TXNIP: variants seen among roughly 807,000 people sequenced by gnomAD.
The protein encoded by TXNIP is thioredoxin interacting protein, also known as thioredoxin-interacting protein.
In TXNIP, 23 loss-of-function variants were observed where a neutral mutation model predicts 43.9. The ratio of observed to expected loss-of-function variants is 0.52; its 90% CI spans 0.38 to 0.74. The LOEUF is 0.74. TXNIP is among the 30% of genes least tolerant of loss of function. TXNIP has a pLI of 0.00. For synonymous variants in TXNIP, 234 were observed against 172.2 expected (o/e 1.36, Z -2.81); for missense variants, 555 against 485.4 (o/e 1.14, Z -1.35).
In TXNIP at chr1:145,995,025, C is replaced by T; in HGVS notation, c.478G>A (p.Val160Met). 6.2e-7 allele frequency: 1 copy of T among 1,614,070 alleles called. No individual in the cohort carries two copies. The highest frequency in any genetic ancestry group is 8.5e-7 in the Non-Finnish European group (1 of 1,180,022). The change falls in exon 4 of 8, where the codon GTG becomes ATG. Residue 160 changes from valine to methionine, a missense_variant. Coordinates refer to ENST00000582401, the MANE Select transcript of TXNIP (RefSeq NM_006472.6). ...DVNTPDLMAP[V>M]SAKKEKKVSC... ...ACTTTCTTTTCTTTTTTAGCAGACA[C>T]AGGTGCCTATATAGAAGGGGATAAA...
rs143528198 is a variant in TXNIP, at chr1:145,995,057, T to C, written c.472-26A>G. 39 of 1,613,624 alleles carry C rather than the reference T, an allele frequency of 2.4e-5. No homozygotes were observed. In the East Asian group the frequency reaches 8.7e-4, roughly 36 times the overall value. On this transcript the variant is annotated intron_variant, in intron 3 of 7. Transcript: ENST00000582401. ...CTATATAGAAGGGGATAAAAAGGTG[T>C]TTTGAGATGCTTCAATCTAATGCCC...
chr1:145,994,683 G>C lies in TXNIP; in HGVS notation c.692C>G (p.Thr231Ser). The change falls in exon 5 of 8, where the codon ACT becomes AGT. Residue 231 changes from threonine to serine, a missense_variant. Transcript: ENST00000582401. ...YLANGQTKVL[T>S]QKLSSVRGNH... The stretch of plus-strand genomic sequence containing the variant: ...GCCTCTGACTGATGACAACTTCTGA[G>C]TCAGCACCTTGGTCTGGCCATTGGC... 6.2e-7 allele frequency: 1 copy of C among 1,614,224 alleles called. No individual in the cohort carries two copies. The highest frequency in any genetic ancestry group is 8.5e-7 in the Non-Finnish European group (1 of 1,180,042).
intron 4 of TXNIP, 40 bp downstream of exon 4, chr1:145,994,889 C>G: frequency 6.2e-7 from 1 of 1,613,986 alleles, no homozygotes. Flanking sequence ...GCCCCTAAAC[C>G]CAGTTCCTGT....
In TXNIP at chr1:145,994,809, G is replaced by C. The variant is rs781903934; in HGVS notation, c.575-9C>G. The stretch of plus-strand genomic sequence containing the variant: ...GATGGAAATCTCATCACCTAGCAAT[G>C]AGAAAGATGAAAACTTACTGATACT... On this transcript the variant is annotated splice_polypyrimidine_tract_variant and intron_variant, in intron 4 of 7. Coordinates refer to ENST00000582401, the MANE Select transcript of TXNIP (RefSeq NM_006472.6). The C allele has an allele frequency of 1.9e-6, 3 of 1,614,126 alleles. No homozygotes were observed. Among genetic ancestry groups the C allele is most frequent in the Non-Finnish European group, 2.5e-6 (3 of 1,180,028 alleles).
At chr1:145,993,959 G>A (rs149615751) in intron 7 of TXNIP, 57 bp downstream of exon 7, 9 of 1,613,750 alleles carry the variant, frequency 5.6e-6, no homozygotes, top group Middle Eastern at 3.3e-4. Context: ...ATCCGTCTAA[G>A]TCAACTTCTT....
chr1:145,996,516 C>T lies in TXNIP; in HGVS notation c.-250G>A, dbSNP rs1187642843. ...TTCAGAGAAAAAGCCTTCTTTCCCC[C>T]AATTGCTGGAGAAAAGATCCGATCT... On this transcript the variant is annotated 5_prime_UTR_variant, in exon 1 of 8. Transcript: ENST00000582401. 5.2e-6 allele frequency: 2 copies of T among 384,592 alleles called. No homozygotes were observed. The highest frequency in any genetic ancestry group is 1.1e-4 in the East Asian group (2 of 18,080). The allele number at this position is 384,592 out of a possible 1,614,324, so 23.8% of individuals were successfully genotyped here. A position where few individuals can be genotyped will look rare whatever the true frequency, so the allele number is the denominator to read the frequency against.
chr1:145,992,510 G>A lies in TXNIP; in HGVS notation c.*1341C>T, dbSNP rs587759329. On this transcript the variant is annotated 3_prime_UTR_variant, in exon 8 of 8. Coordinates refer to ENST00000582401, the MANE Select transcript of TXNIP (RefSeq NM_006472.6). ...CCCATCTGGGGTAAAAATATATCTG[G>A]TTAAGTACAAAATATAGTCTTTACC... 5.2e-5 allele frequency: 8 copies of A among 152,392 alleles called. No individual in the cohort carries two copies. The highest frequency in any genetic ancestry group is 2.1e-4 in the South Asian group (1 of 4,816). 9.4% of individuals were successfully genotyped at this position (152,392 alleles called of 1,614,324 possible).
chr1:145,996,546 A>T lies in TXNIP; in HGVS notation c.-280T>A, dbSNP rs1559268471. 3.1e-6 allele frequency: 1 copy of T among 326,754 alleles called. No homozygotes were observed. Among genetic ancestry groups the T allele is most frequent in the Non-Finnish European group, 5.8e-6 (1 of 173,894 alleles). 20.2% of individuals were successfully genotyped at this position (326,754 alleles called of 1,614,324 possible). ...GCTGGAGAAAAGATCCGATCTCCAC[A>T]AGCACTCCTTTGGAGAAAAAGAGGG... On this transcript the variant is annotated 5_prime_UTR_variant, in exon 1 of 8. Coordinates refer to ENST00000582401, the MANE Select transcript of TXNIP (RefSeq NM_006472.6).
intron 4 of TXNIP, 50 bp from the exon 5 acceptor site, chr1:145,994,850 C>G: frequency 6.2e-7 from 1 of 1,613,718 alleles, no homozygotes; most frequent in Admixed American, 1.7e-5. Flanking sequence ...TAGTTAATGA[C>G]ACTTCCTCTA....
Position 145,993,544 on chromosome 1 carries a change from A to T in TXNIP, c.*307T>A, listed in dbSNP as rs186992970. 7.3e-5 allele frequency: 20 copies of T among 273,946 alleles called. No homozygotes were observed. The highest frequency in any genetic ancestry group is 5.7e-4 in the Admixed American group (12 of 21,226). The allele number at this position is 273,946 out of a possible 1,614,324, so 17.0% of individuals were successfully genotyped here. ...CAGGAGGCCATTTTTACCTGACCCGAAACTATCGAAAAGGCCTCAATTTTC... is the reference window on the plus strand; with the variant it reads ...CAGGAGGCCATTTTTACCTGACCCGTAACTATCGAAAAGGCCTCAATTTTC... On this transcript the variant is annotated 3_prime_UTR_variant, in exon 8 of 8. Transcript: ENST00000582401.
Position 145,994,103 on chromosome 1 carries a change from C to T in TXNIP, c.1053G>A (p.Leu351=). Residue 351 remains leucine, a synonymous_variant, in exon 7 of 8, where the codon CTG becomes CTA. Transcript: ENST00000582401. ...DHRLESPTTP[L]LDDMDGSQDS... ...CTTGAGAGCCATCCATGTCATCTAG[C>T]AGAGGAGTGGTTGGGCTCTCCAATC... is the stretch of plus-strand genomic sequence containing the variant. The T allele has an allele frequency of 1.2e-6, 2 of 1,614,136 alleles. No individual in the cohort carries two copies. The highest frequency in any genetic ancestry group is 8.5e-7 in the Non-Finnish European group (1 of 1,180,018).
In TXNIP at chr1:145,996,103, A is replaced by T. The variant is rs782523238; in HGVS notation, c.164T>A (p.Leu55His). The T allele has an allele frequency of 6.2e-7, 1 of 1,614,110 alleles. No individual in the cohort carries two copies. The highest frequency in any genetic ancestry group is 1.7e-5 in the Admixed American group (1 of 60,006). ...GCACTGCTGGGATCCCTGCATCCAAAGCACTTTAGCCACTCCGCAAGCCAG... is the reference window on the plus strand; with the variant it reads ...GCACTGCTGGGATCCCTGCATCCAATGCACTTTAGCCACTCCGCAAGCCAG... ...RILACGVAKV[L>H]WMQGSQQCKQ... Residue 55 changes from leucine to histidine, a missense_variant, in exon 1 of 8, where the codon CTT (leucine) becomes CAT (histidine). By Grantham distance (99) the Leu-to-His change is moderately conservative (BLOSUM62 -3). Coordinates refer to ENST00000582401, the MANE Select transcript of TXNIP (RefSeq NM_006472.6).
Position 145,993,700 on chromosome 1 carries a change from G to T in TXNIP, c.*151C>A. 1.2e-6 allele frequency: 1 copy of T among 811,002 alleles called. No homozygotes were observed. The highest frequency in any genetic ancestry group is 1.9e-6 in the Non-Finnish European group (1 of 520,560). The allele number at this position is 811,002 out of a possible 1,614,324, so 50.2% of individuals were successfully genotyped here. ...CGCATCCTTTAAGGCCCAGGAGATT[G>T]CCTGCTGACCACCTCCTACATTAGG... On this transcript the variant is annotated 3_prime_UTR_variant, in exon 8 of 8. Coordinates refer to ENST00000582401, the MANE Select transcript of TXNIP (RefSeq NM_006472.6).
Position 145,995,303 on chromosome 1 carries a change from A to C in TXNIP, c.324-12T>G, listed in dbSNP as rs1431216620. On this transcript the variant is annotated splice_polypyrimidine_tract_variant and intron_variant, in intron 2 of 7. Coordinates refer to ENST00000582401, the MANE Select transcript of TXNIP (RefSeq NM_006472.6). ...ATGTTCCCAGAGGCCTGTGTCAAGA[A>C]AATGAAAATTTTAAAACGCTCTCCA... 3 of 1,610,500 alleles carry C rather than the reference A, an allele frequency of 1.9e-6. No homozygotes were observed. Among genetic ancestry groups the C allele is most frequent in the Non-Finnish European group, 2.5e-6 (3 of 1,177,540 alleles).
Position 145,996,082 on chromosome 1 carries a change from T to C in TXNIP, c.185A>G (p.Gln62Arg). The part of the protein sequence containing the change: ...AKVLWMQGSQ[Q>R]CKQTSEYLRY... ...CAGGTACTCCGAAGTCTGTTTGCAC[T>C]GCTGGGATCCCTGCATCCAAAGCAC... The change falls in exon 1 of 8, where the codon CAG becomes CGG. Residue 62 changes from glutamine to arginine, a missense_variant. Physicochemically the swap from Gln to Arg is conservative, Grantham distance 43. Transcript: ENST00000582401. 1 of 1,614,134 alleles carries C rather than the reference T, an allele frequency of 6.2e-7. No homozygotes were observed. The highest frequency in any genetic ancestry group is 1.1e-5 in the South Asian group (1 of 91,080).
Position 145,995,406 on chromosome 1 carries a change from C to T in TXNIP, c.321G>A (p.Gln107=). Residue 107 remains glutamine (Q), a splice_region_variant and synonymous_variant, in exon 2 of 8, where the codon CAG becomes CAA. Coordinates refer to ENST00000582401, the MANE Select transcript of TXNIP (RefSeq NM_006472.6). ...YEYKFGFELP[Q]GPLGTSFKGK... ...AGATGCATTTAGCTGATATTTACCC[C>T]TGAGGAAGCTCAAAGCCGAACTTGT... 6.2e-7 allele frequency: 1 copy of T among 1,613,712 alleles called. No homozygotes were observed. The highest frequency in any genetic ancestry group is 1.1e-5 in the South Asian group (1 of 90,988).
chr1:145,995,781 A>G, intron 1 of TXNIP: 1 of 624,660 alleles, frequency 1.6e-6, no homozygotes, highest in Non-Finnish European at 2.8e-6. Flanking sequence ...TAACTACCCG[A>G]GGCAACGCCC....
chr1:145,996,338 C>A lies in TXNIP; in HGVS notation c.-72G>T. ...AAAAAAAGCTCCAAATCGAGGAAAC[C>A]CCTTTGCAAAAAATTATTTCACTTT... is the stretch of plus-strand genomic sequence containing the variant. On this transcript the variant is annotated 5_prime_UTR_variant, in exon 1 of 8. Transcript: ENST00000582401. 2.0e-6 allele frequency: 3 copies of A among 1,519,412 alleles called. No homozygotes were observed. Among genetic ancestry groups the A allele is most frequent in the Non-Finnish European group, 2.7e-6 (3 of 1,125,294 alleles). The allele number at this position is 1,519,412 out of a possible 1,614,324, so 94.1% of individuals were successfully genotyped here. A position where few individuals can be genotyped will look rare whatever the true frequency, so the allele number is the denominator to read the frequency against.
At chr1:145,993,986 A>G (rs373976820) in intron 7 of TXNIP, 30 bp downstream of exon 7, 5 of 1,613,930 alleles carry the variant, frequency 3.1e-6, no homozygotes, top group Admixed American at 1.7e-5. Context: ...AGCTTAGGAC[A>G]AATTTAACAG....
Sources: allele counts gnomAD v4.1 joint callset, GRCh38; gene constraint gnomAD v4.1.1; transcripts MANE v1.5; gene names NCBI Gene and HGNC (gene_info 2026-07-23, HGNC 2026-07-21).